The following MGLL variants were observed in gnomAD, a reference collection of about 807,000 sequenced individuals.
MGLL encodes monoglyceride lipase, also known as lysophospholipase homolog.
A neutral mutation model predicts 29.1 loss-of-function variants in MGLL; 7 were observed. The ratio of observed to expected loss-of-function variants is 0.24; its 90% confidence interval spans 0.14 to 0.45. The LOEUF (loss-of-function observed/expected upper bound fraction) is 0.45. Among genes scored for constraint, MGLL ranks in the 20% least tolerant of loss-of-function variants. The pLI, the probability that MGLL is intolerant of heterozygous loss-of-function variation, is 0.99. For synonymous variants in MGLL, 148 were observed against 168.3 expected (o/e 0.88, Z 0.93); for missense variants, 356 against 413.6 (o/e 0.86, Z 1.21).
chr3:127,760,023 G>A (rs1024189914), intron 3 of MGLL, among the ~76,000 whole-genome samples: 5 of 152,194 alleles, frequency 3.3e-5, no homozygotes, highest in Admixed American at 3.3e-4. Context: ...TAGACGGCTT[G>A]GTTTTCTGCG....
chr3:127,727,029 T>C (rs1230933475), intron 3 of MGLL, among the ~76,000 whole-genome samples: 5 of 152,366 alleles, frequency 3.3e-5, no homozygotes, highest in African/African-American at 9.6e-5. Flanking sequence ...ATTTGTTTGC[T>C]ATGTTCCTTT....
chr3:127,769,106 CT>C (rs906578919), intron 3 of MGLL, among the ~76,000 whole-genome samples: 22 of 152,270 alleles, frequency 1.4e-4, no homozygotes, highest in African/African-American at 5.1e-4. Context: ...AATCCCGGCA[CT>C]TTGGGAGGCT....
At chr3:127,764,191 AG>A (rs2107685597) in intron 3 of MGLL, among the ~76,000 whole-genome samples, 1 of 152,272 alleles carries the variant, frequency 6.6e-6, no homozygotes, top group South Asian at 2.1e-4. Flanking sequence ...GGGCCCTGGG[AG>A]GGGCACACAC....
chr3:127,807,932 T>C (rs1391623735), intron 2 of MGLL, among the ~76,000 whole-genome samples: 2 of 151,832 alleles, frequency 1.3e-5, no homozygotes, highest in African/African-American at 4.8e-5. Flanking sequence ...CAGCTAATTT[T>C]TTGTATTTTA....
intron 6 of MGLL, among the ~76,000 whole-genome samples, chr3:127,695,991 G>T (rs1200159777): frequency 1.3e-5 from 2 of 152,184 alleles, no homozygotes; most frequent in African/African-American, 2.4e-5. Context: ...CATGCTAGGA[G>T]CCCCTGGAGG....
intron 2 of MGLL, among the ~76,000 whole-genome samples, chr3:127,810,459 A>G (rs1287496942): frequency 1.3e-5 from 2 of 152,172 alleles, no homozygotes; most frequent in Admixed American, 1.3e-4. Context: ...CATGCCTGTG[A>G]GAGTGTGATT....
At chr3:127,799,361 G>C (rs2077439172) in intron 2 of MGLL, 1 of 152,120 alleles carries the variant, frequency 6.6e-6, no homozygotes, top group African/African-American at 2.4e-5. Context: ...CTTCGAATCT[G>C]CACTTTGCCC....
At chr3:127,749,105 G>A (rs1051079292) in intron 3 of MGLL, among the ~76,000 whole-genome samples, 7 of 152,168 alleles carry the variant, frequency 4.6e-5, no homozygotes, top group South Asian at 4.1e-4. Flanking sequence ...GCAATGTGTC[G>A]AGATGCCTGT....
chr3:127,818,938 T>A (rs2077809246), intron 2 of MGLL, among the ~76,000 whole-genome samples: 1 of 152,224 alleles, frequency 6.6e-6, no homozygotes, highest in Non-Finnish European at 1.5e-5. Context: ...AGTATAAGAT[T>A]TGTTATTACC....
At chr3:127,796,073 T>C (rs557848368) in intron 2 of MGLL, among the ~76,000 whole-genome samples, 11 of 152,288 alleles carry the variant, frequency 7.2e-5, no homozygotes, top group African/African-American at 1.7e-4. Flanking sequence ...GGAGAGAACA[T>C]TGGAGAAAGC....
intron 2 of MGLL, among the ~76,000 whole-genome samples, chr3:127,818,438 G>C (rs2077798877): frequency 6.6e-6 from 1 of 151,832 alleles, no homozygotes; most frequent in Non-Finnish European, 1.5e-5. Context: ...TCAAACTCCT[G>C]GTCTCAAGGA....
At chr3:127,694,393 A>G (rs2107578908) in intron 7 of MGLL, among the ~76,000 whole-genome samples, 1 of 149,036 alleles carries the variant, frequency 6.7e-6, no homozygotes, top group Admixed American at 6.7e-5. Flanking sequence ...GTGTGTATAT[A>G]TATGTATGTG....
In MGLL at chr3:127,736,939, C is replaced by T. The variant is rs140942967; in HGVS notation, c.263-14373G>A. 4.3e-3 allele frequency among the ~76,000 whole-genome samples: 659 copies of T among 152,304 alleles called. 9 individuals carry two copies. Among genetic ancestry groups the T allele is most frequent in the African/African-American group, 0.015 (641 of 41,560 alleles). On this transcript the variant is annotated intron_variant, in intron 3 of 7. Transcript: ENST00000265052. ...AGAACTCCTGACCTCAAATGATCCA[C>T]CTGCCTCGGCCTCCCAAAGTGCAGG...
At chr3:127,724,192 A>G (rs2075989154) in intron 3 of MGLL, among the ~76,000 whole-genome samples, 1 of 151,186 alleles carries the variant, frequency 6.6e-6, no homozygotes, top group South Asian at 2.1e-4. Context: ...TAGCTATTAA[A>G]CCCCAACTCC....
At chr3:127,758,925 CTTTT>C (rs55756082) in intron 3 of MGLL, among the ~76,000 whole-genome samples, 2 of 100,852 alleles carry the variant, frequency 2.0e-5, no homozygotes, top group Non-Finnish European at 4.3e-5. Flanking sequence ...CTTTTCTTTT[CTTTT>C]TTTTTTTTTT....
At chr3:127,806,594 T>C (rs2077570248) in intron 2 of MGLL, among the ~76,000 whole-genome samples, 1 of 151,658 alleles carries the variant, frequency 6.6e-6, no homozygotes, top group African/African-American at 2.4e-5. Context: ...GGTGGATGGA[T>C]GAGTGGGTGT....
intron 2 of MGLL, among the ~76,000 whole-genome samples, chr3:127,801,651 G>A (rs1322745624): frequency 1.3e-5 from 2 of 151,690 alleles, no homozygotes; most frequent in Non-Finnish European, 2.9e-5. Flanking sequence ...ATTAAAAGGG[G>A]TGACATTTCC....
intron 5 of MGLL, among the ~76,000 whole-genome samples, chr3:127,718,405 C>A (rs113769952): frequency 3.3e-5 from 5 of 152,256 alleles, no homozygotes; most frequent in African/African-American, 1.2e-4. Flanking sequence ...CCAAACAGAA[C>A]GCTAGAGGGA....
chr3:127,744,965 T>C (rs866361940), intron 3 of MGLL, among the ~76,000 whole-genome samples: 1 of 152,166 alleles, frequency 6.6e-6, no homozygotes, highest in Non-Finnish European at 1.5e-5. Flanking sequence ...ACAGAGACCA[T>C]GTTTTGGCTA....
Sources: gnomAD v4.1 joint callset for allele counts (sites outside exome capture counted in the v4.1 genomes callset) on GRCh38, gnomAD v4.1.1 for gene constraint, MANE v1.5 for transcripts, NCBI Gene and HGNC (gene_info 2026-07-23, HGNC 2026-07-21) for gene names.